The following CEP112 variants were observed in gnomAD, a reference collection of about 807,000 sequenced individuals.
CEP112 encodes centrosomal protein 112.
Under a neutral mutation model 153.0 loss-of-function variants are expected in CEP112, and 127 were observed. That is an observed-to-expected ratio of 0.83 (90% CI 0.72 to 0.96). The LOEUF is 0.96. Ranked by LOEUF, CEP112 falls within the 40% of genes least tolerant of loss-of-function variation. The pLI is 0.00. For synonymous variants in CEP112, 358 were observed against 374.4 expected (o/e 0.96, Z 0.51); for missense variants, 1,089 against 1,101.2 (o/e 0.99, Z 0.16).
At chr17:65,984,348 C>T (rs139783583) in intron 17 of CEP112, among the ~76,000 whole-genome samples, 176 of 152,268 alleles carry the variant, frequency 1.2e-3, no homozygotes, top group African/African-American at 3.3e-3. Flanking sequence ...CCAGATCTCA[C>T]ATAGTTCAAA....
Position 65,685,444 on chromosome 17 carries a change from G to A in CEP112, c.2697+3685C>T, listed in dbSNP as rs377210393. Reference sequence around the variant, plus strand: ...GATTCCTTAATGCAACCAGTATCAGGATAACAATATTTGCTTGAAAAGAAA... The same window carrying A: ...GATTCCTTAATGCAACCAGTATCAGAATAACAATATTTGCTTGAAAAGAAA... On this transcript the variant is annotated intron_variant, in intron 24 of 26. Transcript: ENST00000535342. 2.0e-5 allele frequency among the ~76,000 whole-genome samples: 3 copies of A among 152,212 alleles called. No homozygotes were observed. The East Asian group carries it at 5.8e-4, about 29-fold the overall frequency.
intron 18 of CEP112, among the ~76,000 whole-genome samples, chr17:65,956,630 T>C (rs1201783403): frequency 6.6e-6 from 1 of 151,788 alleles, no homozygotes; most frequent in African/African-American, 2.4e-5. Flanking sequence ...GGGGGAAGAC[T>C]TTGGGTGGGG....
At chr17:65,961,045 G>T (rs1192641759) in intron 18 of CEP112, among the ~76,000 whole-genome samples, 4 of 150,744 alleles carry the variant, frequency 2.7e-5, no homozygotes, top group Admixed American at 1.3e-4. Flanking sequence ...TATAAGAATT[G>T]GAGACAGCCT....
intron 4 of CEP112, among the ~76,000 whole-genome samples, chr17:66,148,330 G>A (rs140302220): frequency 2.4e-4 from 36 of 152,216 alleles, no homozygotes; most frequent in Non-Finnish European, 4.6e-4. Flanking sequence ...TATAATTCAA[G>A]GTAAGATTTG....
chr17:65,775,188 A>G (rs2145565021), intron 21 of CEP112, among the ~76,000 whole-genome samples: 1 of 152,102 alleles, frequency 6.6e-6, no homozygotes, highest in African/African-American at 2.4e-5. Flanking sequence ...AGGCCTAAAG[A>G]GAGAGCGAGC....
chr17:66,135,574 G>A (rs965750511), intron 4 of CEP112, among the ~76,000 whole-genome samples: 17 of 152,154 alleles, frequency 1.1e-4, no homozygotes, highest in African/African-American at 3.9e-4. Flanking sequence ...GCAGAAAAGC[G>A]GTATTGTGCC....
intron 18 of CEP112, among the ~76,000 whole-genome samples, chr17:65,951,279 T>A (rs1359792416): frequency 2.0e-5 from 3 of 152,178 alleles, no homozygotes; most frequent in Non-Finnish European, 4.4e-5. Context: ...TCTTCCTCAA[T>A]ATTCTGAAAG....
rs139225033 is a variant in CEP112 at position 66,036,907 on chromosome 17, C to A, written c.1219-6884G>T. Among the ~76,000 whole-genome samples the A allele has an allele frequency of 2.7e-4, 41 of 152,280 alleles. No individual in the cohort carries two copies. The East Asian group carries it at 7.7e-3, about 29-fold the overall frequency. Reference sequence around the variant, plus strand: ...TTGAGGTCTCTTTCTTAACCTCCCACATTATTACTGCTATTATTATCAGTC... The same window carrying A: ...TTGAGGTCTCTTTCTTAACCTCCCAAATTATTACTGCTATTATTATCAGTC... On this transcript the variant is annotated intron_variant, in intron 12 of 26. Coordinates refer to ENST00000535342, the MANE Select transcript of CEP112 (RefSeq NM_001199165.4).
intron 4 of CEP112, among the ~76,000 whole-genome samples, chr17:66,165,386 CAG>C (rs1167726720): frequency 6.6e-6 from 1 of 152,174 alleles, no homozygotes; most frequent in East Asian, 1.9e-4. Context: ...ACATTACCAT[CAG>C]AAAGTTCTAT....
chr17:66,122,204 T>C (rs1163218666), intron 6 of CEP112, among the ~76,000 whole-genome samples: 1 of 152,152 alleles, frequency 6.6e-6, no homozygotes, highest in Non-Finnish European at 1.5e-5. Flanking sequence ...CATCACAGCT[T>C]TCTTTACTTC....
At chr17:65,972,347 A>T (rs1185522864) in intron 17 of CEP112, among the ~76,000 whole-genome samples, 1 of 152,254 alleles carries the variant, frequency 6.6e-6, no homozygotes, top group East Asian at 1.9e-4. Context: ...TTTTGGATTA[A>T]TGAAACTGAA....
intron 1 of CEP112, among the ~76,000 whole-genome samples, 173 bp from the exon 2 acceptor site, chr17:66,183,480 C>T (rs2072801733): frequency 6.6e-6 from 1 of 152,098 alleles, no homozygotes; most frequent in South Asian, 2.1e-4. Context: ...TAGAGATAAG[C>T]TTAATTCTAA....
chr17:66,054,697 C>T (rs2066603594), intron 11 of CEP112, among the ~76,000 whole-genome samples: 1 of 152,178 alleles, frequency 6.6e-6, no homozygotes, highest in African/African-American at 2.4e-5. Flanking sequence ...CAACCCCACA[C>T]CTACCCAATA....
At position 65,966,094 on chromosome 17, in the gene CEP112, G is replaced by A. The variant is rs2062405548; in HGVS notation, c.1737-4496C>T. On this transcript the variant is annotated intron_variant, in intron 17 of 26. Transcript: ENST00000535342. ...CCAAGTAGAAACGCATCACTCAAAT[G>A]CCTTAAAGCTGGGCCTCCATGAAGA... Among the ~76,000 whole-genome samples the A allele has an allele frequency of 2.0e-5, 3 of 152,194 alleles. No individual in the cohort carries two copies. In the South Asian group the frequency reaches 6.2e-4, roughly 32 times the overall value.
intron 19 of CEP112, among the ~76,000 whole-genome samples, chr17:65,902,570 G>A (rs2059915079): frequency 6.6e-6 from 1 of 151,666 alleles, no homozygotes; most frequent in Non-Finnish European, 1.5e-5. Flanking sequence ...TGACACAAAT[G>A]TCTGAACATT....
intron 16 of CEP112, among the ~76,000 whole-genome samples, chr17:66,025,968 C>CCA (rs150059801): frequency 4.2e-4 from 55 of 130,618 alleles, no homozygotes; most frequent in Admixed American, 2.6e-3. Flanking sequence ...TATATATAGA[C>CCA]CACACACACA....
chr17:65,772,926 A>G (rs189796510), intron 21 of CEP112, among the ~76,000 whole-genome samples: 245 of 152,346 alleles, frequency 1.6e-3, no homozygotes, highest in African/African-American at 5.7e-3. Flanking sequence ...AATGACAATG[A>G]TAGCAACAAC....
intron 16 of CEP112, among the ~76,000 whole-genome samples, chr17:66,008,501 G>T (rs1442650782): frequency 6.6e-6 from 1 of 152,008 alleles, no homozygotes; most frequent in East Asian, 1.9e-4. Flanking sequence ...CTACAGGCAT[G>T]CACCACCACA....
chr17:66,037,581 T>C (rs1199017981), intron 12 of CEP112, among the ~76,000 whole-genome samples: 1 of 144,612 alleles, frequency 6.9e-6, no homozygotes, highest in Non-Finnish European at 1.5e-5. Context: ...AATTTTATCA[T>C]GACTTCCATA....
Sources: gnomAD v4.1 joint callset for allele counts (sites outside exome capture counted in the v4.1 genomes callset) on GRCh38, gnomAD v4.1.1 for gene constraint, MANE v1.5 for transcripts, NCBI Gene and HGNC (gene_info 2026-07-23, HGNC 2026-07-21) for gene names.